MAPK15: variants seen among roughly 807,000 people sequenced by gnomAD.
MAPK15 encodes ERK-7.
Under a neutral mutation model 60.8 loss-of-function variants are expected in MAPK15, and 61 were observed. The observed-to-expected ratio is 1.00, with a 90% confidence interval of 0.82 to 1.24. The LOEUF (loss-of-function observed/expected upper bound fraction) is 1.24, where lower values mean the gene tolerates loss of function less well. Among genes scored for constraint, MAPK15 ranks in the 50% most tolerant of loss-of-function variants. The pLI is 0.00. For synonymous variants in MAPK15, 356 were observed against 319.9 expected (o/e 1.11, Z -1.21); for missense variants, 808 against 741.1 (o/e 1.09, Z -1.05).
chr8:143,718,710 C>A, intron 4 of MAPK15, 65 bp from the exon 5 acceptor site: 1 of 1,085,938 alleles, frequency 9.2e-7, no homozygotes, highest in Non-Finnish European at 1.3e-6. Context: ...GTGCCCCTCT[C>A]CCACTCCCCC....
At position 143,722,153 on chromosome 8, in the gene MAPK15, G is replaced by T; in HGVS notation, c.1537G>T (p.Gly513Cys). Residue 513 changes from glycine (G) to cysteine (C), a missense_variant, in exon 14 of 14, where the codon GGT becomes TGT. Physicochemically the swap from Gly to Cys is radical, Grantham distance 159. Transcript: ENST00000338033. The part of the protein sequence containing the change: ...STSALQGAQG[G>C]ARALLGGYSQ... ...CTCTGCCTTGCAGGGTGCCCAGGGG[G>T]GTGCCAGGGCTTTGCTTGGAGGCTA... 2.5e-6 allele frequency: 4 copies of T among 1,611,536 alleles called. No individual in the cohort carries two copies. The highest frequency in any genetic ancestry group is 1.3e-5 in the African/African-American group (1 of 75,002).
chr8:143,719,111 CCACA>C lies in MAPK15; in HGVS notation c.538_541del (p.Thr180AlafsTer49), dbSNP rs1554619170. On this transcript the variant is annotated frameshift_variant, in exon 6 of 14. Transcript: ENST00000338033. LOFTEE classifies it high-confidence loss of function. ...GACCAGGCCGTGACAGAGTACGTGG[CCACA>C]CGCTGGTACCGAGCACCGGAGGTGC... 2 of 1,561,942 alleles carry C rather than the reference CCACA, an allele frequency of 1.3e-6. No individual in the cohort carries two copies. The highest frequency in any genetic ancestry group is 1.7e-6 in the Non-Finnish European group (2 of 1,153,622).
At chr8:143,717,342 A>G (rs1554618548) in intron 1 of MAPK15, among the ~76,000 whole-genome samples, 1 of 152,104 alleles carries the variant, frequency 6.6e-6, no homozygotes, top group East Asian at 1.9e-4. Context: ...AGGAATCTGA[A>G]GGTAGGGCCA....
Position 143,720,713 on chromosome 8 carries a change from A to G in MAPK15, c.790A>G (p.Thr264Ala), listed in dbSNP as rs1554619519. 3.7e-6 allele frequency: 6 copies of G among 1,611,900 alleles called. No homozygotes were observed. The South Asian group carries it at 6.6e-5, about 18-fold the overall frequency. The change falls in exon 9 of 14, where the codon ACG (threonine) becomes GCG (alanine). Residue 264 changes from threonine (T) to alanine (A), a missense_variant. Transcript: ENST00000338033. The surrounding 1 kb of genome is among the most constrained non-coding windows in gnomAD (Gnocchi z 4.6). ...CACGGCAGCCCACAGGCCACGACAG[A>G]CGCTGGATGCCCTCCTACCGCCAGA... ...LHQLGSRPRQ[T>A]LDALLPPDTS...
Position 143,722,275 on chromosome 8 carries a change from C to T in MAPK15, c.*24C>T, listed in dbSNP as rs200942758. The T allele has an allele frequency of 2.0e-5, 30 of 1,529,744 alleles. No individual in the cohort carries two copies. The highest frequency in any genetic ancestry group is 1.5e-4 in the African/African-American group (11 of 72,954). 94.8% of individuals were successfully genotyped at this position (1,529,744 alleles called of 1,614,324 possible). The stretch of plus-strand genomic sequence containing the variant: ...GAGCCGCCCTACTCCCTTCACCTGG[C>T]CCTCTGTTCCTGCCCCAGCCCCTTC... On this transcript the variant is annotated 3_prime_UTR_variant, in exon 14 of 14. Coordinates refer to ENST00000338033, the MANE Select transcript of MAPK15 (RefSeq NM_139021.3).
chr8:143,721,733 G>C lies in MAPK15; in HGVS notation c.1330-19G>C, dbSNP rs374098785. 6.2e-7 allele frequency: 1 copy of C among 1,613,450 alleles called. No individual in the cohort carries two copies. The highest frequency in any genetic ancestry group is 1.3e-5 in the African/African-American group (1 of 74,902). On this transcript the variant is annotated intron_variant, in intron 12 of 13. Coordinates refer to ENST00000338033, the MANE Select transcript of MAPK15 (RefSeq NM_139021.3). ...CTCCTCTGCACCTTTCAGTGACCCT[G>C]TGACATGGCCCTTCCCAGGTGAAGC...
At position 143,718,322 on chromosome 8, in the gene MAPK15, G is replaced by A. The variant is rs367876820; in HGVS notation, c.286+20G>A. 1.4e-5 allele frequency: 23 copies of A among 1,610,176 alleles called. No homozygotes were observed. The East Asian group carries it at 2.7e-4, about 19-fold the overall frequency. On this transcript the variant is annotated intron_variant, in intron 4 of 13. Coordinates refer to ENST00000338033, the MANE Select transcript of MAPK15 (RefSeq NM_139021.3). ...TTATGGGTGAGTGAGGCCCCGGCCA[G>A]CGCCCCAGCCCCACCTCTGTTCTGT...
Position 143,721,292 on chromosome 8 carries a change from C to T in MAPK15, c.1085C>T (p.Ser362Phe), listed in dbSNP as rs1554619772. ...TSREKGPEGV[S>F]PSQAHLHKPR... ...AGAGAGAAGGGCCCGGAGGGTGTCT[C>T]CCCAAGCCAGGCACACCTGCACAAA... is the stretch of plus-strand genomic sequence containing the variant. The change falls in exon 11 of 14, where the codon TCC becomes TTC. Residue 362 changes from serine to phenylalanine, a missense_variant. Physicochemically the swap from Ser to Phe is radical, Grantham distance 155. Transcript: ENST00000338033. The T allele has an allele frequency of 6.8e-6, 11 of 1,613,632 alleles. No homozygotes were observed. The highest frequency in any genetic ancestry group is 9.3e-6 in the Non-Finnish European group (11 of 1,179,928).
At chr8:143,718,727 G>GGGGCCCCC in intron 4 of MAPK15, 48 bp from the exon 5 acceptor site, 1 of 514,514 alleles carries the variant, frequency 1.9e-6, no homozygotes, top group Non-Finnish European at 3.2e-6. Context: ...CCCCCAGGTT[G>GGGGCCCCC]CCCCCCCAGC....
chr8:143,718,749 G>A (rs782247134), intron 4 of MAPK15, 26 bp from the exon 5 acceptor site: 8 of 172,850 alleles, frequency 4.6e-5, no homozygotes, highest in East Asian at 1.4e-4. Context: ...CCCCACCCCC[G>A]ACTGCAGTGC....
chr8:143,718,665 C>T, intron 4 of MAPK15, 110 bp from the exon 5 acceptor site: 1 of 1,013,630 alleles, frequency 9.9e-7, no homozygotes, highest in Non-Finnish European at 1.5e-6. Context: ...GGCGGCCAGG[C>T]CGTGGGCTGG....
chr8:143,721,936 C>T (rs998038303), intron 13 of MAPK15, 56 bp downstream of exon 13: 32 of 1,454,114 alleles, frequency 2.2e-5, no homozygotes, highest in Non-Finnish European at 2.9e-5. Context: ...CTTTCCCCTT[C>T]CCCCCTGCTT....
rs1554619506 is a variant in MAPK15, at chr8:143,720,694, A to G, written c.780-9A>G. The G allele has an allele frequency of 1.2e-6, 2 of 1,608,720 alleles. No individual in the cohort carries two copies. The highest frequency in any genetic ancestry group is 1.7e-5 in the Admixed American group (1 of 59,022). ...TCGGGCCCTGGAGACGACACACGGC[A>G]GCCCACAGGCCACGACAGACGCTGG... is the stretch of plus-strand genomic sequence containing the variant. On this transcript the variant is annotated splice_polypyrimidine_tract_variant and intron_variant, in intron 8 of 13. Coordinates refer to ENST00000338033, the MANE Select transcript of MAPK15 (RefSeq NM_139021.3). The surrounding 1 kb of genome is among the most constrained non-coding windows in gnomAD (Gnocchi z 4.6).
intron 1 of MAPK15, 74 bp from the exon 2 acceptor site, chr8:143,717,620 G>A: frequency 7.7e-7 from 1 of 1,303,564 alleles, no homozygotes; most frequent in East Asian, 2.5e-5. Context: ...GGAGCCTCAT[G>A]TCTGTAGGGA....
rs151138393 is a variant in MAPK15 at position 143,719,150 on chromosome 8, C to T, written c.575C>T (p.Ser192Leu). 55 of 1,542,822 alleles carry T rather than the reference C, an allele frequency of 3.6e-5. No homozygotes were observed. Among genetic ancestry groups the T allele is most frequent in the South Asian group, 1.7e-4 (14 of 83,482 alleles). Reference protein sequence around the residue: ...WYRAPEVLLSSHRYTLGVDMW... With the variant: ...WYRAPEVLLSLHRYTLGVDMW... Reference sequence around the variant, plus strand: ...CGAGCACCGGAGGTGCTGCTCTCTTCGCACCGGTAATAGCGAGACATCCCC... The same window carrying T: ...CGAGCACCGGAGGTGCTGCTCTCTTTGCACCGGTAATAGCGAGACATCCCC... The change falls in exon 6 of 14, where the codon TCG becomes TTG. Residue 192 changes from serine (S) to leucine (L), a missense_variant. By Grantham distance (145) the Ser-to-Leu change is moderately radical (BLOSUM62 -2). Coordinates refer to ENST00000338033, the MANE Select transcript of MAPK15 (RefSeq NM_139021.3).
At position 143,720,290 on chromosome 8, in the gene MAPK15, G is replaced by C. The variant is rs1554619412; in HGVS notation, c.779+3G>C. ...GTGCTGCACCAGCTGGGGTCCCGGT[G>C]AGTGGGGGCACTTCGGTGAGGGTGA... On this transcript the variant is annotated splice_donor_region_variant and intron_variant, in intron 8 of 13. Transcript: ENST00000338033. The surrounding 1 kb of genome is among the most constrained non-coding windows in gnomAD (Gnocchi z 4.6). The C allele has an allele frequency of 1.3e-6, 2 of 1,585,966 alleles. No homozygotes were observed. The highest frequency in any genetic ancestry group is 1.8e-5 in the Admixed American group (1 of 56,570).
At position 143,717,708 on chromosome 8, in the gene MAPK15, G is replaced by A. The variant is rs1554618628; in HGVS notation, c.81G>A (p.Val27=). 1 of 1,609,040 alleles carries A rather than the reference G, an allele frequency of 6.2e-7. No individual in the cohort carries two copies. Among genetic ancestry groups the A allele is most frequent in the Non-Finnish European group, 8.5e-7 (1 of 1,178,212 alleles). The change falls in exon 2 of 14, where the codon GTG becomes GTA. Residue 27 remains valine, a synonymous_variant. Coordinates refer to ENST00000338033, the MANE Select transcript of MAPK15 (RefSeq NM_139021.3). ...RQLGQGAYGI[V]WKAVDRRTGE... ...CTCCTTCCCAGGCCTATGGCATTGT[G>A]TGGAAGGCAGTGGACCGGAGGACTG...
chr8:143,721,327 G>A lies in MAPK15; in HGVS notation c.1120G>A (p.Asp374Asn), dbSNP rs371482487. ...GGCACACCTGCACAAACCCAGAGCC[G>A]ACCCTCAGCTGCCTTCTAGGACACC... ...SQAHLHKPRA[D>N]PQLPSRTPVQ... Residue 374 changes from aspartate to asparagine, a missense_variant, in exon 11 of 14, where the codon GAC (aspartate) becomes AAC (asparagine). Transcript: ENST00000338033. The A allele has an allele frequency of 8.3e-5, 134 of 1,613,610 alleles. No homozygotes were observed. Among genetic ancestry groups the A allele is most frequent in the Admixed American group, 2.8e-4 (17 of 60,002 alleles).
At chr8:143,717,613 G>A (rs1817859558) in intron 1 of MAPK15, 81 bp from the exon 2 acceptor site, 2 of 1,221,416 alleles carry the variant, frequency 1.6e-6, no homozygotes, top group South Asian at 1.3e-5. Flanking sequence ...GGAAGGAGGA[G>A]CCTCATGTCT....
Sources: allele counts gnomAD v4.1 joint callset (sites outside exome capture counted in the v4.1 genomes callset), GRCh38; gene constraint gnomAD v4.1.1; non-coding constraint Gnocchi (gnomAD v3.1); transcripts MANE v1.5; gene names NCBI Gene and HGNC (gene_info 2026-07-23, HGNC 2026-07-21).